Variants in NALF1 observed in about 807,000 individuals in gnomAD.
The protein encoded by NALF1 is family with sequence similarity 155 member A.
In NALF1, 3 loss-of-function variants were observed where a neutral mutation model predicts 48.4. The observed-to-expected ratio is 0.06, with a 90% CI of 0.03 to 0.16. NALF1 has a LOEUF of 0.16. Among genes scored for constraint, NALF1 ranks in the 10% least tolerant of loss-of-function variants. The pLI is 1.00. For missense variants in NALF1, 526 were observed against 571.5 expected (o/e 0.92, Z 0.81); for synonymous variants, 262 against 245.7 (o/e 1.07, Z -0.62).
chr13:107,223,724 A>G (rs1880041736), intron 1 of NALF1, among the ~76,000 whole-genome samples: 1 of 152,194 alleles, frequency 6.6e-6, no homozygotes, highest in Non-Finnish European at 1.5e-5. Context: ...AGTATAATAC[A>G]GTGCATTTTC....
At position 107,491,738 on chromosome 13, in the gene NALF1, G is replaced by A. The variant is rs181786001; in HGVS notation, c.916-280983C>T. ...ACCTTTGCCCTCCACCAACACTCTC[G>A]CTCTTTGCAACATTCCATAAGTCGT... On this transcript the variant is annotated intron_variant, in intron 1 of 2. Transcript: ENST00000375915. 1.8e-3 allele frequency among the ~76,000 whole-genome samples: 268 copies of A among 152,080 alleles called. 1 individual carries two copies. Among genetic ancestry groups the A allele is most frequent in the South Asian group, 0.012 (57 of 4,806 alleles).
At chr13:107,619,610 T>C (rs867483254) in intron 1 of NALF1, among the ~76,000 whole-genome samples, 2 of 152,146 alleles carry the variant, frequency 1.3e-5, no homozygotes, top group Admixed American at 1.3e-4. Flanking sequence ...AACCTCAAAT[T>C]TGTAAAGACT....
At chr13:107,208,034 T>C (rs963439276) in intron 2 of NALF1, among the ~76,000 whole-genome samples, 2 of 152,178 alleles carry the variant, frequency 1.3e-5, no homozygotes, top group Non-Finnish European at 2.9e-5. Flanking sequence ...ATGAGAATTC[T>C]TCAAAGAGGC....
intron 1 of NALF1, among the ~76,000 whole-genome samples, chr13:107,773,316 A>C (rs1156654954): frequency 6.6e-6 from 1 of 152,198 alleles, no homozygotes; most frequent in East Asian, 1.9e-4. Flanking sequence ...ACACATGATA[A>C]ATCATACTTC....
At chr13:107,233,484 C>T (rs977236673) in intron 1 of NALF1, among the ~76,000 whole-genome samples, 2 of 152,162 alleles carry the variant, frequency 1.3e-5, no homozygotes, top group African/African-American at 2.4e-5. Flanking sequence ...AGTGTGGACT[C>T]AATAATTCTT....
intron 1 of NALF1, among the ~76,000 whole-genome samples, chr13:107,797,821 T>G (rs1264925557): frequency 2.0e-5 from 3 of 152,114 alleles, no homozygotes; most frequent in Non-Finnish European, 4.4e-5. Flanking sequence ...AGAATCAATC[T>G]TATATTTGAA....
chr13:107,751,209 G>GT (rs1258618708), intron 1 of NALF1, among the ~76,000 whole-genome samples: 2 of 152,102 alleles, frequency 1.3e-5, no homozygotes, highest in East Asian at 3.9e-4. Context: ...GTAAATTATC[G>GT]TAAGACTCAC....
At chr13:107,235,568 G>A in intron 1 of NALF1, among the ~76,000 whole-genome samples, 1 of 152,162 alleles carries the variant, frequency 6.6e-6, no homozygotes, top group Non-Finnish European at 1.5e-5. Flanking sequence ...AACAAAGTAA[G>A]TTCTATGCAA....
intron 1 of NALF1, among the ~76,000 whole-genome samples, chr13:107,271,803 TATATA>T (rs1566470741): frequency 2.1e-5 from 2 of 93,732 alleles, no homozygotes; most frequent in Admixed American, 2.0e-4. Flanking sequence ...TATATATATA[TATATA>T]TATATATATT....
At chr13:107,678,565 G>T (rs1219612194) in intron 1 of NALF1, among the ~76,000 whole-genome samples, 3 of 152,160 alleles carry the variant, frequency 2.0e-5, no homozygotes, top group African/African-American at 4.8e-5. Flanking sequence ...CTGCGGTTTT[G>T]TATTAGTTCA....
chr13:107,203,816 C>G (rs914026638), intron 2 of NALF1, among the ~76,000 whole-genome samples: 1 of 152,250 alleles, frequency 6.6e-6, no homozygotes, highest in Non-Finnish European at 1.5e-5. Context: ...TTAGACCAGG[C>G]AAGGTGTAGC....
intron 1 of NALF1, among the ~76,000 whole-genome samples, chr13:107,290,001 A>G (rs1467997504): frequency 1.3e-5 from 2 of 152,142 alleles, no homozygotes; most frequent in African/African-American, 4.8e-5. Context: ...GGCAGGTAAC[A>G]GGATGTTTCC....
At chr13:107,408,019 A>C (rs1263165753) in intron 1 of NALF1, among the ~76,000 whole-genome samples, 1 of 152,052 alleles carries the variant, frequency 6.6e-6, no homozygotes, top group Non-Finnish European at 1.5e-5. Context: ...CAAACTTCAC[A>C]TTTTCTCACT....
chr13:107,173,765 T>C (rs1878854038), intron 2 of NALF1, among the ~76,000 whole-genome samples: 1 of 152,226 alleles, frequency 6.6e-6, no homozygotes, highest in Admixed American at 6.5e-5. Context: ...TTATTCTACC[T>C]CATATTTAAT....
At position 107,334,689 on chromosome 13, in the gene NALF1, C is replaced by T. The variant is rs114793613; in HGVS notation, c.916-123934G>A. 2.9e-3 allele frequency among the ~76,000 whole-genome samples: 441 copies of T among 152,278 alleles called. 2 individuals are homozygous for T. Among genetic ancestry groups the T allele is most frequent in the African/African-American group, 9.6e-3 (400 of 41,558 alleles). On this transcript the variant is annotated intron_variant, in intron 1 of 2. Transcript: ENST00000375915. ...TTAAAAAACCTTTTAAATGGCTCTC[C>T]ACACTAATTTACATTTAAAGCTAAG...
chr13:107,445,578 C>G (rs2139030084), intron 1 of NALF1, among the ~76,000 whole-genome samples: 1 of 152,244 alleles, frequency 6.6e-6, no homozygotes, highest in East Asian at 1.9e-4. Flanking sequence ...GACAAATGCC[C>G]AAGATTGCAA....
chr13:107,550,087 G>A (rs1440549455), intron 1 of NALF1, among the ~76,000 whole-genome samples: 1 of 152,102 alleles, frequency 6.6e-6, no homozygotes, highest in East Asian at 1.9e-4. Flanking sequence ...ACTTTAGACA[G>A]CATTGAAACC....
At chr13:107,313,386 C>T (rs1404486695) in intron 1 of NALF1, among the ~76,000 whole-genome samples, 2 of 152,130 alleles carry the variant, frequency 1.3e-5, no homozygotes, top group African/African-American at 4.8e-5. Flanking sequence ...GTCAGGCAAA[C>T]CTGCCTCCAA....
intron 1 of NALF1, among the ~76,000 whole-genome samples, chr13:107,740,405 T>C (rs1173722140): frequency 6.6e-6 from 1 of 152,146 alleles, no homozygotes; most frequent in African/African-American, 2.4e-5. Context: ...CTCTTTATCT[T>C]TGGAGATTAG....
Sources: allele counts gnomAD v4.1 joint callset (sites outside exome capture counted in the v4.1 genomes callset), GRCh38; gene constraint gnomAD v4.1.1; transcripts MANE v1.5; gene names NCBI Gene and HGNC (gene_info 2026-07-23, HGNC 2026-07-21).